The following GPI variants were observed in gnomAD, a reference collection of about 807,000 sequenced individuals.
The protein encoded by GPI is glucose-6-phosphate isomerase.
A neutral mutation model predicts 75.8 loss-of-function variants in GPI; 56 were observed. That is an observed-to-expected ratio of 0.74 (90% CI 0.60 to 0.92). The LOEUF is 0.92. GPI is among the 40% of genes least tolerant of loss of function. The pLI, the probability that GPI is intolerant of heterozygous loss-of-function variation, is 0.00. For synonymous variants in GPI, 288 were observed against 285.4 expected (o/e 1.01, Z -0.09); for missense variants, 638 against 741.0 (o/e 0.86, Z 1.61).
At chr19:34,381,265 G>T in intron 8 of GPI, 1 of 656,592 alleles carries the variant, frequency 1.5e-6, no homozygotes, top group South Asian at 1.7e-5. Context: ...GTCATGGACT[G>T]ATCTGGTGTC....
At chr19:34,378,876 T>C in intron 6 of GPI, 58 bp from the exon 7 acceptor site, 1 of 1,339,930 alleles carries the variant, frequency 7.5e-7, no homozygotes. Context: ...GAACCCTGGC[T>C]CAAGGCCTGC....
At chr19:34,391,261 A>C (rs533409029) in intron 9 of GPI, among the ~76,000 whole-genome samples, 198 of 71,266 alleles carry the variant, frequency 2.8e-3, no homozygotes, top group Non-Finnish European at 5.0e-3. Context: ...GGGTCCTGGT[A>C]TGAGGATCTG....
chr19:34,369,631 C>T (rs188092069), intron 4 of GPI, among the ~76,000 whole-genome samples: 198 of 151,930 alleles, frequency 1.3e-3, no homozygotes, highest in African/African-American at 4.3e-3. Flanking sequence ...CGCTTGAACC[C>T]GTGCGGCAGA....
chr19:34,377,491 C>A lies in GPI; in HGVS notation c.403-12C>A, dbSNP rs1231506066. On this transcript the variant is annotated splice_polypyrimidine_tract_variant and intron_variant, in intron 4 of 17. Transcript: ENST00000356487. ...GGGGTTTGGGCTGATGGCATCTTCG[C>A]CCCTGTGCCAGCGTGTCCGGAGCGG... 6 of 1,603,964 alleles carry A rather than the reference C, an allele frequency of 3.7e-6. No homozygotes were observed. The highest frequency in any genetic ancestry group is 4.3e-6 in the Non-Finnish European group (5 of 1,171,404).
Position 34,377,549 on chromosome 19 carries a change from C to T in GPI, c.449C>T (p.Thr150Met), listed in dbSNP as rs201771230. Residue 150 changes from threonine to methionine, a missense_variant, in exon 5 of 18, where the codon ACG becomes ATG. Physicochemically the swap from Thr to Met is moderately conservative, Grantham distance 81. Transcript: ENST00000356487. ...AAGGGGTACACAGGCAAGACCATCA[C>T]GGACGTCATCAACATTGGCATTGGC... Reference protein sequence around the residue: ...DWKGYTGKTITDVINIGIGGS... With the variant: ...DWKGYTGKTIMDVINIGIGGS... The T allele has an allele frequency of 1.4e-5, 22 of 1,613,106 alleles. No homozygotes were observed. Among genetic ancestry groups the T allele is most frequent in the African/African-American group, 1.1e-4 (8 of 74,736 alleles).
At chr19:34,386,509 G>A (rs538698959) in intron 9 of GPI, among the ~76,000 whole-genome samples, 1 of 152,322 alleles carries the variant, frequency 6.6e-6, no homozygotes, top group Non-Finnish European at 1.5e-5. Flanking sequence ...GTTGAATGCA[G>A]GTAGATAGAG....
At chr19:34,386,697 C>T (rs888056473) in intron 9 of GPI, among the ~76,000 whole-genome samples, 1 of 152,098 alleles carries the variant, frequency 6.6e-6, no homozygotes, top group African/African-American at 2.4e-5. Context: ...GTCTGTGGCC[C>T]CTAAGTTAGA....
intron 4 of GPI, among the ~76,000 whole-genome samples, chr19:34,370,715 G>A (rs1208893885): frequency 6.6e-6 from 1 of 150,872 alleles, no homozygotes; most frequent in African/African-American, 2.4e-5. Flanking sequence ...ACAGAGTGAG[G>A]CTCTGTCTCA....
At chr19:34,380,969 C>T (rs1288931057) in intron 8 of GPI, 1 of 266,768 alleles carries the variant, frequency 3.7e-6, no homozygotes, top group Middle Eastern at 1.4e-3. Context: ...ACCAGAATAC[C>T]TGATGGCTCC....
intron 13 of GPI, 21 bp from the exon 14 acceptor site, chr19:34,396,560 T>A: frequency 6.2e-7 from 1 of 1,613,642 alleles, no homozygotes; most frequent in Non-Finnish European, 8.5e-7. Flanking sequence ...GTCATGTGGG[T>A]GACCACAGTG....
Position 34,365,222 on chromosome 19 carries a change from T to C in GPI, c.-45T>C, listed in dbSNP as rs1046891815. On this transcript the variant is annotated 5_prime_UTR_variant, in exon 1 of 18. Transcript: ENST00000356487. ...CTTGCTGCGCGCTGCCGGCGCTCCT[T>C]CCTCCTCGGCTCGCGTCTCACTCAG... 111 of 1,438,990 alleles carry C rather than the reference T, an allele frequency of 7.7e-5. No homozygotes were observed. Among genetic ancestry groups the C allele is most frequent in the Non-Finnish European group, 9.8e-5 (107 of 1,089,160 alleles). The allele number at this position is 1,438,990 out of a possible 1,614,324, so 89.1% of individuals were successfully genotyped here. A position where few individuals can be genotyped will look rare whatever the true frequency, so the allele number is the denominator to read the frequency against.
chr19:34,399,931 A>G lies in GPI; in HGVS notation c.1572A>G (p.Lys524=). ...AGCTGGGAAAGCAGCTGGCTAAGAA[A>G]ATAGAGCCTGAGCTTGATGGCAGTG... ...GVELGKQLAK[K]IEPELDGSAQ... is the part of the protein sequence containing the mutation. Residue 524 remains lysine, a synonymous_variant, in exon 18 of 18, where the codon AAA becomes AAG. Coordinates refer to ENST00000356487, the MANE Select transcript of GPI (RefSeq NM_000175.5). 2 of 1,613,988 alleles carry G rather than the reference A, an allele frequency of 1.2e-6. No homozygotes were observed. Among genetic ancestry groups the G allele is most frequent in the East Asian group, 2.2e-5 (1 of 44,846 alleles).
At position 34,366,861 on chromosome 19, in the gene GPI, C is replaced by T. The variant is rs1462878019; in HGVS notation, c.282+10C>T. ...GATCAACTACACCGAGGTGAGCAGG[C>T]CCCACATACCCTCTGGGGCCTCCTT... On this transcript the variant is annotated intron_variant, in intron 3 of 17. Coordinates refer to ENST00000356487, the MANE Select transcript of GPI (RefSeq NM_000175.5). The T allele has an allele frequency of 6.3e-7, 1 of 1,595,124 alleles. No homozygotes were observed. Among genetic ancestry groups the T allele is most frequent in the Non-Finnish European group, 8.6e-7 (1 of 1,162,650 alleles).
chr19:34,375,752 G>A (rs1403475163), intron 4 of GPI, among the ~76,000 whole-genome samples: 1 of 152,204 alleles, frequency 6.6e-6, no homozygotes, highest in Non-Finnish European at 1.5e-5. Context: ...AGTCATCCAA[G>A]AGAGCAAAGC....
chr19:34,396,728 G>T (rs896451232), intron 14 of GPI, 71 bp downstream of exon 14: 2 of 1,169,840 alleles, frequency 1.7e-6, no homozygotes, highest in Non-Finnish European at 2.5e-6. Flanking sequence ...AAAACCTGGT[G>T]CATTGGTTGG....
chr19:34,391,348 A>G (rs528779012), intron 9 of GPI, among the ~76,000 whole-genome samples: 5 of 5,418 alleles, frequency 9.2e-4, no homozygotes, highest in East Asian at 4.9e-3. Flanking sequence ...AGGAGTTACC[A>G]TCTGGTACAG....
Position 34,377,841 on chromosome 19 carries a change from A to G in GPI, c.593A>G (p.Gln198Arg), listed in dbSNP as rs769714482. Residue 198 changes from glutamine to arginine, a missense_variant, in exon 6 of 18, where the codon CAG becomes CGG. Coordinates refer to ENST00000356487, the MANE Select transcript of GPI (RefSeq NM_000175.5). ...ACTCACATTGCCAAAACCCTGGCCC[A>G]GCTGAACCCCGAGTCCTCCCTGTTC... ...DGTHIAKTLA[Q>R]LNPESSLFII... 2 of 1,614,070 alleles carry G rather than the reference A, an allele frequency of 1.2e-6. No individual in the cohort carries two copies. Among genetic ancestry groups the G allele is most frequent in the Non-Finnish European group, 1.7e-6 (2 of 1,179,990 alleles).
At chr19:34,390,395 GAA>G (rs1442162954) in intron 9 of GPI, among the ~76,000 whole-genome samples, 21 of 152,204 alleles carry the variant, frequency 1.4e-4, no homozygotes, top group Non-Finnish European at 1.8e-4. Context: ...ATGAGACTGA[GAA>G]GGTGGGTCCT....
upstream of GPI, among the ~76,000 whole-genome samples, chr19:34,362,285 CAA>C (rs1428921264): frequency 6.6e-6 from 1 of 151,546 alleles, no homozygotes; most frequent in Non-Finnish European, 1.5e-5. Context: ...GCCTGGGCAA[CAA>C]GAGTGAAACT....
Sources: allele counts gnomAD v4.1 joint callset (sites outside exome capture counted in the v4.1 genomes callset), GRCh38; gene constraint gnomAD v4.1.1; transcripts MANE v1.5; gene names NCBI Gene and HGNC (gene_info 2026-07-23, HGNC 2026-07-21).